The following KHDRBS1 variants were observed in gnomAD, a reference collection of about 807,000 sequenced individuals.
KHDRBS1 encodes KH domain-containing, RNA-binding, signal transduction-associated protein 1.
In KHDRBS1, 7 loss-of-function variants were observed where a neutral mutation model predicts 48.4. That is an observed-to-expected ratio of 0.14 (90% confidence interval 0.08 to 0.27). KHDRBS1 has a LOEUF of 0.27. Among genes scored for constraint, KHDRBS1 ranks in the 10% least tolerant of loss-of-function variants. KHDRBS1 has a pLI of 1.00. For synonymous variants in KHDRBS1, 241 were observed against 235.8 expected (o/e 1.02, Z -0.20); for missense variants, 458 against 601.2 (o/e 0.76, Z 2.49).
intron 8 of KHDRBS1, 46 bp from the exon 9 acceptor site, chr1:32,042,481 G>T: frequency 7.7e-7 from 1 of 1,304,744 alleles, no homozygotes; most frequent in Non-Finnish European, 1.1e-6. Context: ...TTATCCCTAA[G>T]TGCTGTCGCC....
intron 1 of KHDRBS1, among the ~76,000 whole-genome samples, chr1:32,026,415 C>A (rs1365809301): frequency 6.6e-6 from 1 of 152,160 alleles, no homozygotes; most frequent in African/African-American, 2.4e-5. Flanking sequence ...GCCTCAGCTT[C>A]CCCAAATGCT....
At chr1:32,016,967 AATG>A (rs748633933) in intron 1 of KHDRBS1, among the ~76,000 whole-genome samples, 27 of 152,194 alleles carry the variant, frequency 1.8e-4, no homozygotes, top group Admixed American at 3.3e-4. Flanking sequence ...CTGATGAAAA[AATG>A]ATGACAGCCG....
At chr1:32,050,203 T>C (rs1569822281) in intron 10 of KHDRBS1, among the ~76,000 whole-genome samples, 1 of 152,218 alleles carries the variant, frequency 6.6e-6, no homozygotes, top group East Asian at 1.9e-4. Context: ...TGTGGAAAAA[T>C]GTCTATCTAA....
intron 10 of KHDRBS1, among the ~76,000 whole-genome samples, chr1:32,056,557 G>A (rs1405728993): frequency 6.6e-6 from 1 of 152,194 alleles, no homozygotes; most frequent in Non-Finnish European, 1.5e-5. Flanking sequence ...ACTTGAGATA[G>A]AAGAGTTTGG....
At position 32,013,890 on chromosome 1, in the gene KHDRBS1, G is replaced by T. The variant is rs1246004687; in HGVS notation, c.-106G>T. On this transcript the variant is annotated 5_prime_UTR_variant, in exon 1 of 9. Transcript: ENST00000327300. ...TCTCTCTCGCTGGGTCGCTCGGGTCGGCTTCGGTCGCTACCGCTCCCGCTC... is the reference window on the plus strand; with the variant it reads ...TCTCTCTCGCTGGGTCGCTCGGGTCTGCTTCGGTCGCTACCGCTCCCGCTC... 1.6e-5 allele frequency: 18 copies of T among 1,121,730 alleles called. No homozygotes were observed. The highest frequency in any genetic ancestry group is 2.1e-5 in the Non-Finnish European group (18 of 865,862). The allele number at this position is 1,121,730 out of a possible 1,614,324, so 69.5% of individuals were successfully genotyped here. A position where few individuals can be genotyped will look rare whatever the true frequency, so the allele number is the denominator to read the frequency against.
At chr1:32,060,569 G>A (rs899647590) in exon 11 of KHDRBS1, 2 of 152,130 alleles carry the variant, frequency 1.3e-5, no homozygotes, top group African/African-American at 4.8e-5. Flanking sequence ...CCACACCTGT[G>A]TTATGGGTGT....
At chr1:32,035,552 A>G (rs1446342056) in intron 4 of KHDRBS1, among the ~76,000 whole-genome samples, 2 of 152,194 alleles carry the variant, frequency 1.3e-5, no homozygotes, top group African/African-American at 4.8e-5. Flanking sequence ...CTATTTTTGC[A>G]TCTGTGACCA....
chr1:32,049,952 C>T (rs1033615494), intron 10 of KHDRBS1, among the ~76,000 whole-genome samples: 3 of 152,176 alleles, frequency 2.0e-5, no homozygotes, highest in African/African-American at 7.2e-5. Context: ...TGAGCCACCA[C>T]GCCCGGCCTG....
At chr1:32,029,601 G>A (rs1385154140) in intron 1 of KHDRBS1, among the ~76,000 whole-genome samples, 1 of 152,148 alleles carries the variant, frequency 6.6e-6, no homozygotes, top group Non-Finnish European at 1.5e-5. Flanking sequence ...AGGTTGCAGT[G>A]AGCCGAGATC....
At position 32,014,453 on chromosome 1, in the gene KHDRBS1, C is replaced by T. The variant is rs1031576574; in HGVS notation, c.382+76C>T. On this transcript the variant is annotated intron_variant, in intron 1 of 8. Coordinates refer to ENST00000327300, the MANE Select transcript of KHDRBS1 (RefSeq NM_006559.3). ...AGTGGCCCTGGCTTTGTTCCTCTCG[C>T]TTCCCGCCCCCTCGGGACCGAGGCA... The T allele has an allele frequency of 4.0e-6, 5 of 1,246,010 alleles. No individual in the cohort carries two copies. In the African/African-American group the frequency reaches 6.2e-5, roughly 16 times the overall value. The allele number at this position is 1,246,010 out of a possible 1,614,324, so 77.2% of individuals were successfully genotyped here.
chr1:32,051,115 C>G (rs1272055935), intron 10 of KHDRBS1, among the ~76,000 whole-genome samples: 1 of 152,130 alleles, frequency 6.6e-6, no homozygotes, highest in Non-Finnish European at 1.5e-5. Flanking sequence ...CCAGGCTGAT[C>G]TCGAACTCCT....
intron 1 of KHDRBS1, 58 bp downstream of exon 1, chr1:32,014,435 C>T: frequency 7.8e-7 from 1 of 1,277,150 alleles, no homozygotes; most frequent in South Asian, 2.8e-5. Flanking sequence ...ATGAGTGGCC[C>T]TGGCTTTGTT....
chr1:32,034,949 C>T (rs1639147826), intron 4 of KHDRBS1, among the ~76,000 whole-genome samples: 1 of 149,432 alleles, frequency 6.7e-6, no homozygotes, highest in Admixed American at 6.7e-5. Context: ...CCACTGCACT[C>T]TGGCCTGGGT....
chr1:32,014,096 C>A lies in KHDRBS1; in HGVS notation c.101C>A (p.Pro34Gln). Residue 34 changes from proline (P) to glutamine (Q), a missense_variant, in exon 1 of 9, where the codon CCG becomes CAG. By Grantham distance (76) the Pro-to-Gln change is moderately conservative. Transcript: ENST00000327300. ...GCCCACCCCTCGGTGCGTCAGACGC[C>A]GTCTCGGCAGCCGCCGCTGCCTCAC... ...SGAHPSVRQT[P>Q]SRQPPLPHRS... is the part of the protein sequence containing the mutation. 1 of 1,446,684 alleles carries A rather than the reference C, an allele frequency of 6.9e-7. No homozygotes were observed. The highest frequency in any genetic ancestry group is 9.1e-7 in the Non-Finnish European group (1 of 1,102,612). 89.6% of individuals were successfully genotyped at this position (1,446,684 alleles called of 1,614,324 possible).
intron 5 of KHDRBS1, 141 bp from the exon 6 acceptor site, chr1:32,037,694 C>A: frequency 3.3e-6 from 3 of 908,980 alleles, no homozygotes; most frequent in Non-Finnish European, 5.2e-6. Context: ...GTCCTTTACC[C>A]TGTACATTCC....
At chr1:32,038,068 G>A (rs1454398338) in intron 6 of KHDRBS1, 32 bp downstream of exon 6, 15 of 1,610,040 alleles carry the variant, frequency 9.3e-6, no homozygotes, top group Non-Finnish European at 1.3e-5. Context: ...CCATTTCCCA[G>A]TACCTAGAAG....
At position 32,057,504 on chromosome 1, in the gene KHDRBS1, A is replaced by T. The variant is rs1279174822; in HGVS notation, n.1302-2659A>T. The stretch of plus-strand genomic sequence containing the variant: ...TCTTTTCTTTTTTTTTTTTTTTTTT[A>T]AAGAGATGAGGTCAGCCGGGCGTGG... On this transcript the variant is annotated intron_variant and non_coding_transcript_variant, in intron 10 of 10. Transcript: ENST00000484270. Among the ~76,000 whole-genome samples, 9 of 140,390 alleles carry T rather than the reference A, an allele frequency of 6.4e-5. 1 individual carries two copies. The highest frequency in any genetic ancestry group is 4.4e-4 in the South Asian group (2 of 4,504). The allele number at this position is 140,390 out of a possible 152,430, so 92.1% of individuals were successfully genotyped here.
At chr1:32,029,025 G>A (rs568159722) in intron 1 of KHDRBS1, among the ~76,000 whole-genome samples, 2 of 152,202 alleles carry the variant, frequency 1.3e-5, no homozygotes, top group South Asian at 4.1e-4. Context: ...CAGATGTCTG[G>A]CTCTTATTAA....
At position 32,037,862 on chromosome 1, in the gene KHDRBS1, G is replaced by T. The variant is rs1639212775; in HGVS notation, c.933G>T (p.Gly311=). The T allele has an allele frequency of 1.2e-6, 2 of 1,614,148 alleles. No homozygotes were observed. Among genetic ancestry groups the T allele is most frequent in the Non-Finnish European group, 1.7e-6 (2 of 1,180,018 alleles). ...PRGRGVGPPR[G]ALVRGTPVRG... is the part of the protein sequence containing the mutation. ...GCCGTGGTGTTGGACCACCTCGGGGGGCTTTGGTACGTGGTACACCAGTAA... is the reference window on the plus strand; with the variant it reads ...GCCGTGGTGTTGGACCACCTCGGGGTGCTTTGGTACGTGGTACACCAGTAA... Residue 311 remains glycine (G), a synonymous_variant, in exon 6 of 9, where the codon GGG becomes GGT. Transcript: ENST00000327300.
Sources: allele counts gnomAD v4.1 joint callset (sites outside exome capture counted in the v4.1 genomes callset), GRCh38; gene constraint gnomAD v4.1.1; transcripts MANE v1.5; gene names NCBI Gene and HGNC (gene_info 2026-07-23, HGNC 2026-07-21).